Variants in HDAC4 observed in about 807,000 individuals in gnomAD.
HDAC4 encodes histone deacetylase A.
HDAC4 carries 16 observed loss-of-function variants against 135.1 expected under a neutral mutation model. The observed-to-expected ratio is 0.12, with a 90% CI of 0.08 to 0.18. The LOEUF (loss-of-function observed/expected upper bound fraction) is 0.18. Ranked by LOEUF, HDAC4 falls within the 10% of genes least tolerant of loss-of-function variation. HDAC4 has a pLI of 1.00. For missense variants in HDAC4, 1,143 were observed against 1,511.8 expected, an observed-to-expected ratio of 0.76 and a Z score of 4.05; for synonymous variants, 685 against 653.4, an observed-to-expected ratio of 1.05 and a Z score of -0.74.
chr2:239,347,120 G>C (rs1054271244), intron 2 of HDAC4, among the ~76,000 whole-genome samples: 16 of 103,238 alleles, frequency 1.5e-4, no homozygotes, highest in East Asian at 4.2e-4. Flanking sequence ...CAGACACTTT[G>C]TGGTATTCCT....
intron 3 of HDAC4, among the ~76,000 whole-genome samples, chr2:239,204,663 C>T (rs927757311): frequency 6.6e-6 from 1 of 152,198 alleles, no homozygotes; most frequent in African/African-American, 2.4e-5. Context: ...AGGGATGGAC[C>T]AGGCGTCCCG....
At chr2:239,189,789 G>A (rs1466534962) in intron 4 of HDAC4, 44 bp downstream of exon 4, 1 of 1,568,704 alleles carries the variant, frequency 6.4e-7, no homozygotes, top group African/African-American at 1.3e-5. Context: ...GGAGTTGAGG[G>A]TGCCGGAGGC....
chr2:239,208,644 G>A lies in HDAC4; in HGVS notation c.95-18567C>T, dbSNP rs936779223. Among the ~76,000 whole-genome samples the A allele has an allele frequency of 3.3e-5, 5 of 152,120 alleles. No individual in the cohort carries two copies. The South Asian group carries it at 6.2e-4, about 19-fold the overall frequency. On this transcript the variant is annotated intron_variant, in intron 3 of 26. Transcript: ENST00000543185. ...TCCAGACTCCAAGGCTACAGATACT[G>A]AGCTCCTCCCACCCCCACCACCTGC...
chr2:239,111,635 G>A lies in HDAC4; in HGVS notation c.1869C>T (p.Pro623=), dbSNP rs779464278. 127 of 1,608,802 alleles carry A rather than the reference G, an allele frequency of 7.9e-5. No individual in the cohort carries two copies. The highest frequency in any genetic ancestry group is 3.6e-5 in the Non-Finnish European group (42 of 1,178,346). ...YQASMEAAGI[P]VSFGGHRPLS... ...GAGGCCTGTGGCCGCCGAAGGACACGGGGATGCCGGCGGCCTCCATGGACG... is the reference window on the plus strand; with the variant it reads ...GAGGCCTGTGGCCGCCGAAGGACACAGGGATGCCGGCGGCCTCCATGGACG... The change falls in exon 14 of 27, where the codon CCC becomes CCT. Residue 623 remains proline (P), a synonymous_variant. Transcript: ENST00000543185.
At position 239,308,467 on chromosome 2, in the gene HDAC4, G is replaced by A. The variant is rs2052716631; in HGVS notation, c.22+44211C>T. On this transcript the variant is annotated intron_variant, in intron 2 of 26. Coordinates refer to ENST00000543185, the MANE Select transcript of HDAC4 (RefSeq NM_001378414.1). The surrounding 1 kb of genome is among the most constrained non-coding windows in gnomAD (Gnocchi z 4.2). Reference sequence around the variant, plus strand: ...GTCTTCTTAGCAAAGTGAGGAATCTGCAGATCTCTCTGAAAGATCAGCTAC... The same window carrying A: ...GTCTTCTTAGCAAAGTGAGGAATCTACAGATCTCTCTGAAAGATCAGCTAC... 1.3e-5 allele frequency among the ~76,000 whole-genome samples: 2 copies of A among 152,148 alleles called. No homozygotes were observed. The highest frequency in any genetic ancestry group is 2.1e-4 in the South Asian group (1 of 4,836).
chr2:239,139,534 TC>T lies in HDAC4; in HGVS notation c.978+149del. ...GGCAGGAGAGTAACCTCCAACTGCG[TC>T]CTTTTTAGGATGGCTCACAGGCCAC... On this transcript the variant is annotated intron_variant, in intron 9 of 26. Coordinates refer to ENST00000543185, the MANE Select transcript of HDAC4 (RefSeq NM_001378414.1). This position sits in a 1 kb window ranked among gnomAD's most constrained non-coding sequence, Gnocchi z 5.3. 1.3e-6 allele frequency: 1 copy of T among 766,760 alleles called. No homozygotes were observed. Among genetic ancestry groups the T allele is most frequent in the Non-Finnish European group, 2.4e-6 (1 of 423,676 alleles). The allele number at this position is 766,760 out of a possible 1,614,324, so 47.5% of individuals were successfully genotyped here. A position where few individuals can be genotyped will look rare whatever the true frequency, so the allele number is the denominator to read the frequency against.
In HDAC4 at chr2:239,253,678, A is replaced by T. The variant is rs1010467; in HGVS notation, c.23-17014T>A. On this transcript the variant is annotated intron_variant, in intron 2 of 26. Coordinates refer to ENST00000543185, the MANE Select transcript of HDAC4 (RefSeq NM_001378414.1). Reference sequence around the variant, plus strand: ...AGAACAAAGAAACAGTTATGAAGATAGAATAAAATCTCGCCCTAATATTGT... The same window carrying T: ...AGAACAAAGAAACAGTTATGAAGATTGAATAAAATCTCGCCCTAATATTGT... Among the ~76,000 whole-genome samples the T allele has an allele frequency of 2.4e-3, 371 of 152,370 alleles. 5 individuals are homozygous for T. Among genetic ancestry groups the T allele is most frequent in the African/African-American group, 8.7e-3 (360 of 41,598 alleles).
chr2:239,313,997 G>C lies in HDAC4; in HGVS notation c.22+38681C>G, dbSNP rs192426515. Among the ~76,000 whole-genome samples the C allele has an allele frequency of 6.6e-6, 1 of 152,136 alleles. No individual in the cohort carries two copies. The highest frequency in any genetic ancestry group is 2.4e-5 in the African/African-American group (1 of 41,418). On this transcript the variant is annotated intron_variant, in intron 2 of 26. Coordinates refer to ENST00000543185, the MANE Select transcript of HDAC4 (RefSeq NM_001378414.1). This position sits in a 1 kb window ranked among gnomAD's most constrained non-coding sequence, Gnocchi z 5.1. ...GCCTGCAAGGGACACATCCGGGCCT[G>C]GGCTTGGTGCTGGCTAGAAGGGGTC...
chr2:239,325,703 G>T (rs62182106), intron 2 of HDAC4, among the ~76,000 whole-genome samples: 1 of 152,330 alleles, frequency 6.6e-6, no homozygotes, highest in Admixed American at 6.5e-5. Context: ...GGTGGCTCAC[G>T]CCTGTAATCC....
At chr2:239,101,128 C>T (rs943180799) in intron 16 of HDAC4, among the ~76,000 whole-genome samples, 1 of 152,148 alleles carries the variant, frequency 6.6e-6, no homozygotes, top group Admixed American at 6.5e-5. Flanking sequence ...CTCAGCCACA[C>T]CCCGGCCCAC....
intron 9 of HDAC4, among the ~76,000 whole-genome samples, 174 bp from the exon 10 acceptor site, chr2:239,134,817 C>G (rs140598172): frequency 6.6e-6 from 1 of 152,346 alleles, no homozygotes; most frequent in Non-Finnish European, 1.5e-5. Context: ...CGTGCCACAA[C>G]ATGAAAGCAC....
intron 2 of HDAC4, among the ~76,000 whole-genome samples, chr2:239,252,972 C>T (rs1209602600): frequency 1.3e-5 from 2 of 152,246 alleles, no homozygotes; most frequent in African/African-American, 4.8e-5. Flanking sequence ...CCGCTGGCCA[C>T]GGCGGCCCGC....
intron 1 of HDAC4, among the ~76,000 whole-genome samples, chr2:239,373,108 C>G (rs1242712804): frequency 1.3e-5 from 2 of 152,070 alleles, no homozygotes; most frequent in Non-Finnish European, 1.5e-5. Flanking sequence ...GGAGCACAGC[C>G]CTGGGAGTGG....
intron 1 of HDAC4, among the ~76,000 whole-genome samples, chr2:239,389,075 G>A (rs1306023475): frequency 6.6e-6 from 1 of 152,218 alleles, no homozygotes; most frequent in African/African-American, 2.4e-5. Flanking sequence ...TTTCTGTCTA[G>A]CTAGAGGATT....
intron 3 of HDAC4, among the ~76,000 whole-genome samples, chr2:239,222,880 T>G (rs6732098): frequency 6.6e-6 from 1 of 152,074 alleles, no homozygotes; most frequent in East Asian, 1.9e-4. Context: ...CAGTAAGCAT[T>G]GTCACCTGGA....
chr2:239,205,302 A>T (rs1291858271), intron 3 of HDAC4, among the ~76,000 whole-genome samples: 2 of 152,222 alleles, frequency 1.3e-5, no homozygotes, highest in Non-Finnish European at 2.9e-5. Context: ...TGGAATCAAG[A>T]CAACTTCAAA....
At chr2:239,155,856 C>G (rs1167597815) in intron 7 of HDAC4, among the ~76,000 whole-genome samples, 3 of 152,236 alleles carry the variant, frequency 2.0e-5, no homozygotes, top group Admixed American at 2.0e-4. Flanking sequence ...GGATGAGGCA[C>G]TGCCCGCCCT....
intron 24 of HDAC4, among the ~76,000 whole-genome samples, chr2:239,063,405 C>T (rs1335701794): frequency 6.6e-6 from 1 of 152,066 alleles, no homozygotes; most frequent in Non-Finnish European, 1.5e-5. Flanking sequence ...GGGGTTTCAC[C>T]ATGTTAGCCA....
intron 2 of HDAC4, among the ~76,000 whole-genome samples, chr2:239,314,938 T>TCC (rs2053053913): frequency 6.6e-6 from 1 of 152,102 alleles, no homozygotes; most frequent in African/African-American, 2.4e-5. Context: ...CATGATACCC[T>TCC]CCTCCCTTTT....
Sources: allele counts gnomAD v4.1 joint callset (sites outside exome capture counted in the v4.1 genomes callset), GRCh38; gene constraint gnomAD v4.1.1; non-coding constraint Gnocchi (gnomAD v3.1); transcripts MANE v1.5; gene names NCBI Gene and HGNC (gene_info 2026-07-23, HGNC 2026-07-21).